The following SHC3 variants were observed in gnomAD, a reference collection of about 807,000 sequenced individuals.
SHC3 encodes the protein SHC-transforming protein 3.
In SHC3, 15 loss-of-function variants were observed where a neutral mutation model predicts 60.4. The observed-to-expected ratio is 0.25, with a 90% confidence interval of 0.17 to 0.38. SHC3 has a LOEUF of 0.38. SHC3 is among the 10% of genes least tolerant of loss of function. The pLI, the probability that SHC3 is intolerant of heterozygous loss-of-function variation, is 1.00. For synonymous variants in SHC3, 294 were observed against 325.9 expected (o/e 0.90, Z 1.05); for missense variants, 677 against 786.1 (o/e 0.86, Z 1.66).
Position 89,038,101 on chromosome 9 carries a change from G to A in SHC3, c.1548C>T (p.Asp516=), listed in dbSNP as rs150513468. 64 of 1,614,076 alleles carry A rather than the reference G, an allele frequency of 4.0e-5. No individual in the cohort carries two copies. Among genetic ancestry groups the A allele is most frequent in the African/African-American group, 1.9e-4 (14 of 75,020 alleles). The change falls in exon 11 of 12, where the codon GAC becomes GAT. Residue 516 remains aspartate (D), a synonymous_variant. Transcript: ENST00000375835. ...RKEAEGLLEK[D]GDFLVRKSTT... is the part of the protein sequence containing the mutation. Reference sequence around the variant, plus strand: ...TGCTCTTCCTGACCAGGAAGTCTCCGTCTTTCTCCAGCAGCCCCTCTGCCT... The same window carrying A: ...TGCTCTTCCTGACCAGGAAGTCTCCATCTTTCTCCAGCAGCCCCTCTGCCT...
intron 4 of SHC3, among the ~76,000 whole-genome samples, chr9:89,074,691 C>CAAAAAA (rs68051828): frequency 0.013 from 765 of 59,904 alleles, no homozygotes; most frequent in Middle Eastern, 0.016. Flanking sequence ...GCCACTAAAG[C>CAAAAAA]AAAAAAAAAA....
intron 4 of SHC3, 51 bp downstream of exon 4, chr9:89,075,058 C>T (rs1825334616): frequency 6.3e-7 from 1 of 1,595,606 alleles, no homozygotes; most frequent in Non-Finnish European, 8.5e-7. Context: ...CTGCGAAACA[C>T]TCATCACCTG....
chr9:89,024,709 C>T (rs1000781188), intron 11 of SHC3, among the ~76,000 whole-genome samples: 2 of 152,218 alleles, frequency 1.3e-5, no homozygotes, highest in African/African-American at 4.8e-5. Flanking sequence ...TATTTTCTTA[C>T]CCACACTGCA....
intron 2 of SHC3, among the ~76,000 whole-genome samples, chr9:89,106,674 C>T (rs1825865016): frequency 6.6e-6 from 1 of 152,112 alleles, no homozygotes; most frequent in Admixed American, 6.5e-5. Flanking sequence ...ACTGGCTGTG[C>T]CCACCCCTGC....
intron 1 of SHC3, among the ~76,000 whole-genome samples, chr9:89,137,469 T>C (rs891466963): frequency 6.6e-6 from 1 of 152,132 alleles, no homozygotes; most frequent in Non-Finnish European, 1.5e-5. Flanking sequence ...TCTTAAGAAA[T>C]TGATGGTACA....
At chr9:89,067,285 A>G (rs1358616742) in intron 5 of SHC3, among the ~76,000 whole-genome samples, 1 of 152,240 alleles carries the variant, frequency 6.6e-6, no homozygotes, top group East Asian at 1.9e-4. Flanking sequence ...GAGAGCATCT[A>G]AGATAGCACT....
chr9:89,041,502 G>A (rs1010984408), intron 10 of SHC3, among the ~76,000 whole-genome samples: 2 of 152,186 alleles, frequency 1.3e-5, no homozygotes, highest in African/African-American at 4.8e-5. Flanking sequence ...GGTAAAAGGT[G>A]AGCAAGAGAG....
Position 89,101,620 on chromosome 9 carries a change from T to TA in SHC3, c.545+10935_545+10936insT, listed in dbSNP as rs1485445852. The stretch of plus-strand genomic sequence containing the variant: ...TGAGATTTTCATATATATATATATA[T>TA]TTTTTTTAATTTGCCAATATGGGGA... On this transcript the variant is annotated intron_variant, in intron 2 of 11. Coordinates refer to ENST00000375835, the MANE Select transcript of SHC3 (RefSeq NM_016848.6). Among the ~76,000 whole-genome samples the TA allele has an allele frequency of 5.7e-3, 833 of 145,538 alleles. 8 individuals carry two copies. Among genetic ancestry groups the TA allele is most frequent in the African/African-American group, 0.02 (777 of 39,768 alleles).
At chr9:89,122,431 A>G (rs938743686) in intron 1 of SHC3, among the ~76,000 whole-genome samples, 2 of 152,208 alleles carry the variant, frequency 1.3e-5, no homozygotes, top group African/African-American at 4.8e-5. Context: ...TAAATTGTCT[A>G]CCAAATGCAT....
At chr9:89,087,406 T>G (rs1825548415) in intron 2 of SHC3, among the ~76,000 whole-genome samples, 1 of 151,952 alleles carries the variant, frequency 6.6e-6, no homozygotes, top group African/African-American at 2.4e-5. Context: ...ATCAGAACTT[T>G]CCCCTCCCCT....
chr9:89,166,604 A>C (rs1380778739), intron 1 of SHC3, among the ~76,000 whole-genome samples: 1 of 152,088 alleles, frequency 6.6e-6, no homozygotes, highest in East Asian at 1.9e-4. Flanking sequence ...AAAGAATCGA[A>C]AAGGGGTTTA....
intron 3 of SHC3, 133 bp downstream of exon 3, chr9:89,077,707 C>G (rs1403915385): frequency 2.9e-6 from 3 of 1,050,966 alleles, no homozygotes; most frequent in Non-Finnish European, 4.3e-6. Flanking sequence ...TAAGCCCTTT[C>G]TGCTTTTAGA....
intron 1 of SHC3, among the ~76,000 whole-genome samples, chr9:89,147,836 A>G (rs1688413599): frequency 6.6e-6 from 1 of 151,958 alleles, no homozygotes; most frequent in Admixed American, 6.6e-5. Flanking sequence ...TCACCTCCGA[A>G]ATGTTGAGTC....
chr9:89,170,490 A>G (rs1395165246), intron 1 of SHC3, among the ~76,000 whole-genome samples: 2 of 152,194 alleles, frequency 1.3e-5, no homozygotes, highest in African/African-American at 2.4e-5. Flanking sequence ...TACAAAAAGT[A>G]AAACAATTAG....
chr9:89,157,255 A>G (rs1163072041), intron 1 of SHC3, among the ~76,000 whole-genome samples: 3 of 152,240 alleles, frequency 2.0e-5, no homozygotes, highest in African/African-American at 4.8e-5. Context: ...GCCCATACAT[A>G]TAACCACAGG....
intron 11 of SHC3, chr9:89,037,494 C>G: frequency 1.4e-6 from 1 of 714,980 alleles, no homozygotes; most frequent in South Asian, 1.5e-5. Flanking sequence ...GCTGTAGTGC[C>G]AGGGATGGCC....
chr9:89,155,552 C>A (rs1043150939), intron 1 of SHC3, among the ~76,000 whole-genome samples: 1 of 152,136 alleles, frequency 6.6e-6, no homozygotes, highest in East Asian at 1.9e-4. Flanking sequence ...GTCCTGCTAC[C>A]ACCAGCCAAT....
intron 1 of SHC3, among the ~76,000 whole-genome samples, chr9:89,132,112 T>C (rs1471474667): frequency 6.6e-6 from 1 of 151,788 alleles, no homozygotes; most frequent in Non-Finnish European, 1.5e-5. Context: ...CTCTACACCA[T>C]TAACAGACAA....
intron 2 of SHC3, among the ~76,000 whole-genome samples, chr9:89,082,652 G>A (rs1198164803): frequency 6.6e-6 from 1 of 152,156 alleles, no homozygotes; most frequent in East Asian, 1.9e-4. Flanking sequence ...GCAAAGTGCA[G>A]CAAAATAGAT....
Sources: gnomAD v4.1 joint callset for allele counts (sites outside exome capture counted in the v4.1 genomes callset) on GRCh38, gnomAD v4.1.1 for gene constraint, MANE v1.5 for transcripts, NCBI Gene and HGNC (gene_info 2026-07-23, HGNC 2026-07-21) for gene names.